Variants in SLC1A1 observed in about 807,000 individuals in gnomAD.
SLC1A1 encodes the protein solute carrier family 1 member 1, also known as excitatory amino acid transporter 3.
SLC1A1 carries 43 observed loss-of-function variants against 53.3 expected under a neutral mutation model. The ratio of observed to expected loss-of-function variants is 0.81; its 90% confidence interval spans 0.63 to 1.04. The LOEUF (loss-of-function observed/expected upper bound fraction) is 1.04, where lower values mean the gene tolerates loss of function less well. Among genes scored for constraint, SLC1A1 ranks in the 50% least tolerant of loss-of-function variants. The probability of loss-of-function intolerance (pLI) is 0.00; values close to 1 mark genes in which losing one functional copy is unlikely to be tolerated. For synonymous variants in SLC1A1, 307 were observed against 243.2 expected (o/e 1.26, Z -2.44); for missense variants, 748 against 664.9 (o/e 1.12, Z -1.37).
intron 2 of SLC1A1, among the ~76,000 whole-genome samples, chr9:4,559,171 T>C (rs183597960): frequency 1.3e-5 from 2 of 152,356 alleles, no homozygotes; most frequent in Non-Finnish European, 2.9e-5. Flanking sequence ...TATCTTTCAT[T>C]GTCTTACTGG....
intron 1 of SLC1A1, among the ~76,000 whole-genome samples, chr9:4,531,076 T>G: frequency 6.6e-6 from 1 of 152,138 alleles, no homozygotes; most frequent in Admixed American, 6.5e-5. Flanking sequence ...AGATTTGGGG[T>G]GGAGCCAAGA....
Position 4,490,643 on chromosome 9 carries a change from G to T in SLC1A1, c.-37G>T, listed in dbSNP as rs1042489736. On this transcript the variant is annotated 5_prime_UTR_variant, in exon 1 of 12. Coordinates refer to ENST00000262352, the MANE Select transcript of SLC1A1 (RefSeq NM_004170.6). The stretch of plus-strand genomic sequence containing the variant: ...TCCCCGGGTCGCCCAGCCCACGCGC[G>T]CACGGCCGAGCCCAGCGCACAATAG... 3.8e-6 allele frequency: 6 copies of T among 1,582,478 alleles called. No homozygotes were observed. The African/African-American group carries it at 4.1e-5, about 11-fold the overall frequency.
intron 10 of SLC1A1, among the ~76,000 whole-genome samples, chr9:4,582,514 T>C (rs188906346): frequency 1.3e-5 from 2 of 152,222 alleles, no homozygotes; most frequent in Non-Finnish European, 2.9e-5. Flanking sequence ...CCCTTGCCCA[T>C]CTGCCCCTAC....
chr9:4,546,809 T>G (rs1817532687), intron 2 of SLC1A1, among the ~76,000 whole-genome samples: 1 of 152,210 alleles, frequency 6.6e-6, no homozygotes, highest in African/African-American at 2.4e-5. Flanking sequence ...AGATTCCTAA[T>G]TTTTTCTTGG....
chr9:4,550,733 T>C (rs1817858989), intron 2 of SLC1A1, among the ~76,000 whole-genome samples: 1 of 152,170 alleles, frequency 6.6e-6, no homozygotes, highest in Admixed American at 6.5e-5. Flanking sequence ...TTATAAAACC[T>C]TAGGTATATT....
intron 1 of SLC1A1, among the ~76,000 whole-genome samples, chr9:4,515,886 A>C (rs761656648): frequency 9.9e-5 from 15 of 152,170 alleles, no homozygotes; most frequent in Non-Finnish European, 1.6e-4. Flanking sequence ...GTGTGTTTCC[A>C]GTATGGGACA....
chr9:4,576,719 G>A lies in SLC1A1; in HGVS notation c.1149G>A (p.Gln383=), dbSNP rs538800675. ...YEAVAAVFIA[Q]LNDLDLGIGQ... ...CAGTGGCAGCGGTGTTTATTGCACA[G>A]TTGAATGACCTGGACTTGGGCATTG... Residue 383 remains glutamine, a synonymous_variant, in exon 10 of 12, where the codon CAG becomes CAA. Transcript: ENST00000262352. 2.5e-6 allele frequency: 4 copies of A among 1,614,240 alleles called. No homozygotes were observed. The East Asian group carries it at 8.9e-5, about 36-fold the overall frequency.
At chr9:4,543,081 T>G (rs573175801) in intron 1 of SLC1A1, among the ~76,000 whole-genome samples, 1 of 152,342 alleles carries the variant, frequency 6.6e-6, no homozygotes, top group South Asian at 2.1e-4. Context: ...AAATGCATCT[T>G]GTGAGGTTCA....
intron 10 of SLC1A1, among the ~76,000 whole-genome samples, chr9:4,577,183 G>A (rs1251889034): frequency 6.6e-6 from 1 of 152,232 alleles, no homozygotes. Context: ...CTGGGAAGGT[G>A]AACGATGGCT....
intron 9 of SLC1A1, 78 bp from the exon 10 acceptor site, chr9:4,576,491 G>T: frequency 8.3e-7 from 1 of 1,206,346 alleles, no homozygotes; most frequent in African/African-American, 1.5e-5. Flanking sequence ...TTACTTTTTG[G>T]AAGACAGGCA....
At chr9:4,519,105 C>G (rs1397373905) in intron 1 of SLC1A1, among the ~76,000 whole-genome samples, 3 of 152,276 alleles carry the variant, frequency 2.0e-5, no homozygotes, top group Non-Finnish European at 4.4e-5. Flanking sequence ...TAGACAACTA[C>G]AAACGGAGCT....
chr9:4,534,764 T>G (rs574819578), intron 1 of SLC1A1, among the ~76,000 whole-genome samples: 1 of 152,046 alleles, frequency 6.6e-6, no homozygotes, highest in Non-Finnish European at 1.5e-5. Context: ...AGAAAGAGAA[T>G]TTTAGACCAA....
At chr9:4,496,700 G>C (rs1820436214) in intron 1 of SLC1A1, among the ~76,000 whole-genome samples, 1 of 151,872 alleles carries the variant, frequency 6.6e-6, no homozygotes, top group African/African-American at 2.4e-5. Context: ...TTCAAGACCA[G>C]CCTGGGCAAC....
chr9:4,547,921 T>A (rs898620845), intron 2 of SLC1A1, among the ~76,000 whole-genome samples: 2 of 152,016 alleles, frequency 1.3e-5, no homozygotes, highest in Admixed American at 1.3e-4. Flanking sequence ...AGTGGGAAAA[T>A]AAAATTACAC....
At position 4,572,195 on chromosome 9, in the gene SLC1A1, G is replaced by C. The variant is rs769059572; in HGVS notation, c.583-9G>C. On this transcript the variant is annotated splice_polypyrimidine_tract_variant and intron_variant, in intron 6 of 11. Transcript: ENST00000262352. ...TGCATCAATATGTTTTCTTGGTTTT[G>C]ATCCACAGAACAAAACAAAGGAATA... The C allele has an allele frequency of 9.3e-6, 15 of 1,610,604 alleles. No individual in the cohort carries two copies. Among genetic ancestry groups the C allele is most frequent in the Non-Finnish European group, 1.2e-5 (14 of 1,177,118 alleles).
At chr9:4,545,189 G>GTCTCCCTCTCTCTCTC (rs1554681237) in intron 2 of SLC1A1, among the ~76,000 whole-genome samples, 38 of 130,906 alleles carry the variant, frequency 2.9e-4, no homozygotes, top group African/African-American at 9.2e-4. Flanking sequence ...TACATTAGAT[G>GTCTCCCTCTCTCTCTC]TCTCTCTCTC....
intron 1 of SLC1A1, among the ~76,000 whole-genome samples, chr9:4,529,294 T>A (rs1239296223): frequency 1.3e-5 from 2 of 152,166 alleles, no homozygotes; most frequent in Non-Finnish European, 2.9e-5. Flanking sequence ...CTTGTGCAGT[T>A]ACGTACATCT....
intron 2 of SLC1A1, among the ~76,000 whole-genome samples, chr9:4,548,964 G>T (rs978834813): frequency 6.6e-6 from 1 of 152,158 alleles, no homozygotes; most frequent in Admixed American, 6.5e-5. Flanking sequence ...CCGTATTTAT[G>T]TCAAAGCACC....
chr9:4,533,770 A>T (rs11521467), intron 1 of SLC1A1, among the ~76,000 whole-genome samples: 21,012 of 151,818 alleles, frequency 0.14, 1,720 homozygotes, highest in African/African-American at 0.2. Flanking sequence ...CATTCTTCTC[A>T]GCACCACACC....
Sources: allele counts gnomAD v4.1 joint callset (sites outside exome capture counted in the v4.1 genomes callset), GRCh38; gene constraint gnomAD v4.1.1; transcripts MANE v1.5; gene names NCBI Gene and HGNC (gene_info 2026-07-23, HGNC 2026-07-21).